Variants in ARHGAP19 observed in about 807,000 individuals in gnomAD.
ARHGAP19 encodes rho GTPase-activating protein 19.
ARHGAP19 carries 48 observed loss-of-function variants against 60.9 expected under a neutral mutation model. The observed-to-expected ratio is 0.79, with a 90% CI of 0.62 to 1.00. The LOEUF (loss-of-function observed/expected upper bound fraction) is 1.00. ARHGAP19 is among the 50% of genes least tolerant of loss of function. ARHGAP19 has a pLI of 0.00. For synonymous variants in ARHGAP19, 209 were observed against 215.5 expected, an observed-to-expected ratio of 0.97 and a Z score of 0.27; for missense variants, 562 against 597.2, an observed-to-expected ratio of 0.94 and a Z score of 0.61.
chr10:97,266,262 T>C lies in ARHGAP19; in HGVS notation c.57-137A>G. 8.2e-6 allele frequency: 8 copies of C among 970,686 alleles called. No individual in the cohort carries two copies. The Middle Eastern group carries it at 1.8e-3, about 215-fold the overall frequency. The allele number at this position is 970,686 out of a possible 1,614,324, so 60.1% of individuals were successfully genotyped here. ...GTCAGCTTCCTTTAACTGAGCCAGA[T>C]GCCCTTGAACACTGTTCCTTATAAC... On this transcript the variant is annotated intron_variant, in intron 1 of 11. Transcript: ENST00000358531.
chr10:97,269,648 A>C (rs1405579435), intron 1 of ARHGAP19, among the ~76,000 whole-genome samples: 1 of 152,156 alleles, frequency 6.6e-6, no homozygotes, highest in African/African-American at 2.4e-5. Flanking sequence ...TTACTACCCT[A>C]TCAGGAGGGC....
chr10:97,270,773 GCAGTACTTAGGACTCTGA>G, intron 1 of ARHGAP19: 1 of 1,063,870 alleles, frequency 9.4e-7, no homozygotes, highest in Non-Finnish European at 1.3e-6. Flanking sequence ...GGCCTGAAAG[GCAGTACTTAGGACTCTGA>G]GCACTCATCT....
Position 97,225,752 on chromosome 10 carries a change from T to A in ARHGAP19, c.*370A>T. On this transcript the variant is annotated 3_prime_UTR_variant, in exon 12 of 12. Coordinates refer to ENST00000358531, the MANE Select transcript of ARHGAP19 (RefSeq NM_032900.6). The stretch of plus-strand genomic sequence containing the variant: ...CAACATCAATCCACTGGGACAGTGC[T>A]TTTTAAAAAATTACTGGCAGTTGAG... The A allele has an allele frequency of 9.8e-6, 2 of 203,308 alleles. No individual in the cohort carries two copies. Among genetic ancestry groups the A allele is most frequent in the Non-Finnish European group, 2.0e-5 (2 of 101,904 alleles). The allele number at this position is 203,308 out of a possible 1,614,324, so 12.6% of individuals were successfully genotyped here.
At chr10:97,250,075 C>T (rs1842621324) in intron 6 of ARHGAP19, among the ~76,000 whole-genome samples, 1 of 152,096 alleles carries the variant, frequency 6.6e-6, no homozygotes. Context: ...TGAGCCACCG[C>T]ACCCGGCCAG....
chr10:97,241,577 G>C (rs1309232948), intron 8 of ARHGAP19, among the ~76,000 whole-genome samples: 1 of 151,804 alleles, frequency 6.6e-6, no homozygotes, highest in African/African-American at 2.4e-5. Flanking sequence ...GTCAGGCGTT[G>C]TGACACATGC....
chr10:97,252,653 A>G (rs1203365023), intron 6 of ARHGAP19, among the ~76,000 whole-genome samples: 1 of 152,092 alleles, frequency 6.6e-6, no homozygotes, highest in Non-Finnish European at 1.5e-5. Flanking sequence ...ATAAAAAATA[A>G]CAGATGCTGA....
intron 6 of ARHGAP19, among the ~76,000 whole-genome samples, chr10:97,248,418 G>GA (rs914176961): frequency 1.3e-4 from 18 of 136,020 alleles, no homozygotes; most frequent in East Asian, 6.3e-4. Context: ...TCCAAAACAA[G>GA]AAAAAAAAAA....
At chr10:97,271,822 G>A (rs575050876) in intron 1 of ARHGAP19, among the ~76,000 whole-genome samples, 3 of 151,820 alleles carry the variant, frequency 2.0e-5, no homozygotes, top group South Asian at 4.2e-4. Flanking sequence ...TTAAAATTGT[G>A]TATTGGTGTT....
At chr10:97,292,345 C>A (rs1843247699) in intron 1 of ARHGAP19, among the ~76,000 whole-genome samples, 1 of 152,250 alleles carries the variant, frequency 6.6e-6, no homozygotes, top group Admixed American at 6.5e-5. Context: ...GCCAGCGCAG[C>A]GGGAGGAGCC....
intron 2 of ARHGAP19, 70 bp from the exon 3 acceptor site, chr10:97,264,976 A>G (rs1842879496): frequency 8.8e-7 from 1 of 1,135,178 alleles, no homozygotes; most frequent in East Asian, 2.4e-5. Flanking sequence ...ACCTAAAACC[A>G]CTCAAGCATC....
At position 97,264,816 on chromosome 10, in the gene ARHGAP19, G is replaced by A. The variant is rs1412839425; in HGVS notation, c.403+10C>T. The A allele has an allele frequency of 6.3e-7, 1 of 1,592,978 alleles. No homozygotes were observed. ...TAAACAAAGAATGATAAAATTTCAA[G>A]TAGTCTTACTTTTGTGTAGATACTC... is the stretch of plus-strand genomic sequence containing the variant. On this transcript the variant is annotated intron_variant, in intron 3 of 11. Transcript: ENST00000358531.
At chr10:97,247,411 C>T (rs1012484460) in intron 6 of ARHGAP19, among the ~76,000 whole-genome samples, 1 of 152,150 alleles carries the variant, frequency 6.6e-6, no homozygotes, top group East Asian at 1.9e-4. Context: ...AATACAACTA[C>T]CATAGAGGAA....
chr10:97,269,919 C>A (rs1842940916), intron 1 of ARHGAP19, among the ~76,000 whole-genome samples: 2 of 152,150 alleles, frequency 1.3e-5, no homozygotes, highest in Admixed American at 6.6e-5. Flanking sequence ...ACCCTTCCAG[C>A]ACTAAACTGG....
chr10:97,287,236 C>T (rs1843167579), intron 1 of ARHGAP19, among the ~76,000 whole-genome samples: 1 of 152,278 alleles, frequency 6.6e-6, no homozygotes, highest in South Asian at 2.1e-4. Context: ...CAGGCGTGAG[C>T]CACCATGCCT....
At chr10:97,234,784 T>C (rs545827868) in intron 9 of ARHGAP19, among the ~76,000 whole-genome samples, 2 of 152,212 alleles carry the variant, frequency 1.3e-5, no homozygotes, top group Admixed American at 1.3e-4. Context: ...CACAAAAATT[T>C]GGGGTATCAA....
At chr10:97,238,863 A>C (rs1184803169) in intron 8 of ARHGAP19, among the ~76,000 whole-genome samples, 1 of 152,218 alleles carries the variant, frequency 6.6e-6, no homozygotes, top group Non-Finnish European at 1.5e-5. Context: ...ACACACCTAG[A>C]GTAACTTCCA....
At chr10:97,285,317 A>AT (rs1414760658) in intron 1 of ARHGAP19, among the ~76,000 whole-genome samples, 1 of 152,022 alleles carries the variant, frequency 6.6e-6, no homozygotes, top group Non-Finnish European at 1.5e-5. Flanking sequence ...TTTTAATACA[A>AT]TTTTTTAAAA....
At chr10:97,233,837 C>T (rs1225997615) in intron 9 of ARHGAP19, among the ~76,000 whole-genome samples, 2 of 150,586 alleles carry the variant, frequency 1.3e-5, no homozygotes, top group African/African-American at 4.9e-5. Flanking sequence ...CACTGCACTC[C>T]AGCCTGGGTG....
chr10:97,231,711 T>C (rs979921989), intron 9 of ARHGAP19, among the ~76,000 whole-genome samples: 1 of 152,234 alleles, frequency 6.6e-6, no homozygotes, highest in African/African-American at 2.4e-5. Flanking sequence ...CATCAGTCAA[T>C]AGACAGTTGG....
Sources: gnomAD v4.1 joint callset for allele counts (sites outside exome capture counted in the v4.1 genomes callset) on GRCh38, gnomAD v4.1.1 for gene constraint, MANE v1.5 for transcripts, NCBI Gene and HGNC (gene_info 2026-07-23, HGNC 2026-07-21) for gene names.